ADGRG6: variants seen among roughly 807,000 people sequenced by gnomAD.
ADGRG6 encodes G-protein coupled receptor 126.
A neutral mutation model predicts 142.4 loss-of-function variants in ADGRG6; 84 were observed. That is an observed-to-expected ratio of 0.59 (90% CI 0.49 to 0.71). The LOEUF (loss-of-function observed/expected upper bound fraction) is 0.71. Ranked by LOEUF, ADGRG6 falls within the 30% of genes least tolerant of loss-of-function variation. The probability of loss-of-function intolerance (pLI) is 0.00; values close to 1 mark genes in which losing one functional copy is unlikely to be tolerated. For synonymous variants in ADGRG6, 521 were observed against 520.5 expected (o/e 1.00, Z -0.01); for missense variants, 1,367 against 1,466.6 (o/e 0.93, Z 1.11).
chr6:142,359,021 C>T (rs545848051), intron 2 of ADGRG6, among the ~76,000 whole-genome samples: 2 of 148,112 alleles, frequency 1.4e-5, no homozygotes, highest in African/African-American at 5.0e-5. Context: ...CCCTGGGCAA[C>T]ATTATGAGAT....
At chr6:142,311,066 G>T (rs1487487520) in intron 2 of ADGRG6, among the ~76,000 whole-genome samples, 1 of 151,740 alleles carries the variant, frequency 6.6e-6, no homozygotes, top group Non-Finnish European at 1.5e-5. Flanking sequence ...GCACATTCTT[G>T]AATTTTAATC....
At chr6:142,439,474 T>C (rs1251718987) in intron 24 of ADGRG6, among the ~76,000 whole-genome samples, 1 of 152,344 alleles carries the variant, frequency 6.6e-6, no homozygotes, top group East Asian at 1.9e-4. Flanking sequence ...ATACTTGAAT[T>C]ACAGATAACC....
Position 142,403,782 on chromosome 6 carries a change from A to AT in ADGRG6, c.1956-14dup, listed in dbSNP as rs780962396. On this transcript the variant is annotated intron_variant, in intron 13 of 24. Coordinates refer to ENST00000367609, the MANE Select transcript of ADGRG6 (RefSeq NM_198569.3). Reference sequence around the variant, plus strand: ...AAATATCATATTACTTAATAGTGGCATTTTTTGTCGTTACTTTAGAGCTTT... The same window carrying AT: ...AAATATCATATTACTTAATAGTGGCATTTTTTTGTCGTTACTTTAGAGCTTT... 19 of 1,510,254 alleles carry AT rather than the reference A, an allele frequency of 1.3e-5. No individual in the cohort carries two copies. In the Middle Eastern group the frequency reaches 5.2e-4, roughly 42 times the overall value. 93.6% of individuals were successfully genotyped at this position (1,510,254 alleles called of 1,614,324 possible).
chr6:142,396,880 A>G (rs996174966), intron 9 of ADGRG6, among the ~76,000 whole-genome samples: 2 of 152,158 alleles, frequency 1.3e-5, no homozygotes, highest in Non-Finnish European at 2.9e-5. Flanking sequence ...AAATTATATT[A>G]CTTTAAATTG....
At chr6:142,358,796 T>G (rs1441730140) in intron 2 of ADGRG6, among the ~76,000 whole-genome samples, 2 of 152,010 alleles carry the variant, frequency 1.3e-5, no homozygotes, top group Non-Finnish European at 2.9e-5. Flanking sequence ...TCCTAACTAC[T>G]CGGGAGGCTG....
rs1319724654 is a variant in ADGRG6, at chr6:142,393,759, C to T, written c.1362-137C>T. On this transcript the variant is annotated intron_variant, in intron 8 of 24. Coordinates refer to ENST00000367609, the MANE Select transcript of ADGRG6 (RefSeq NM_198569.3). The stretch of plus-strand genomic sequence containing the variant: ...CAGTTGCCTAGCTTTCTGAAAGAAG[C>T]TAGAACCTCAGGACACACATTTGAA... 6 of 603,320 alleles carry T rather than the reference C, an allele frequency of 9.9e-6. No individual in the cohort carries two copies. The Admixed American group carries it at 1.2e-4, about 12-fold the overall frequency. The allele number at this position is 603,320 out of a possible 1,614,324, so 37.4% of individuals were successfully genotyped here.
chr6:142,361,274 A>G (rs935086817), intron 2 of ADGRG6, among the ~76,000 whole-genome samples: 1 of 152,210 alleles, frequency 6.6e-6, no homozygotes, highest in Non-Finnish European at 1.5e-5. Context: ...TATTTAAAGC[A>G]GTACTTCTCA....
intron 15 of ADGRG6, among the ~76,000 whole-genome samples, chr6:142,407,826 C>T (rs1362165306): frequency 6.6e-6 from 1 of 152,190 alleles, no homozygotes. Context: ...AATTGTTTCA[C>T]AGCTTTTTAT....
intron 2 of ADGRG6, among the ~76,000 whole-genome samples, chr6:142,349,220 A>C (rs1474813936): frequency 6.6e-6 from 1 of 152,230 alleles, no homozygotes; most frequent in Non-Finnish European, 1.5e-5. Flanking sequence ...GTTGCAGATA[A>C]AGTTCCTGAA....
chr6:142,441,183 T>G (rs765383053), intron 24 of ADGRG6, among the ~76,000 whole-genome samples: 28 of 152,172 alleles, frequency 1.8e-4, no homozygotes, highest in Non-Finnish European at 3.4e-4. Context: ...TTCTAGGAAA[T>G]GTACCATGGT....
intron 9 of ADGRG6, among the ~76,000 whole-genome samples, chr6:142,394,951 G>T (rs1775095982): frequency 6.6e-6 from 1 of 151,996 alleles, no homozygotes; most frequent in African/African-American, 2.4e-5. Context: ...AGTCTTGCTG[G>T]ATCTCAATAG....
At chr6:142,343,041 A>G (rs1189435529) in intron 2 of ADGRG6, among the ~76,000 whole-genome samples, 1 of 151,814 alleles carries the variant, frequency 6.6e-6, no homozygotes, top group Non-Finnish European at 1.5e-5. Flanking sequence ...AATTTTTTAT[A>G]AAAGTTTTAT....
At chr6:142,393,310 G>T (rs113671292) in intron 8 of ADGRG6, among the ~76,000 whole-genome samples, 8 of 152,156 alleles carry the variant, frequency 5.3e-5, no homozygotes, top group African/African-American at 1.9e-4. Context: ...TCACACCCTG[G>T]TGGATCACCT....
intron 2 of ADGRG6, among the ~76,000 whole-genome samples, chr6:142,329,656 A>G (rs961129827): frequency 2.0e-5 from 3 of 152,168 alleles, no homozygotes; most frequent in Non-Finnish European, 2.9e-5. Context: ...TCATTGAGTC[A>G]TGTTTGTGAT....
intron 21 of ADGRG6, 27 bp downstream of exon 21, chr6:142,417,396 A>C: frequency 1.0e-6 from 1 of 952,378 alleles, no homozygotes; most frequent in Non-Finnish European, 1.7e-6. Flanking sequence ...TTTTGTGATG[A>C]GTAGATATCC....
At chr6:142,415,755 C>G in intron 19 of ADGRG6, 41 bp from the exon 20 acceptor site, 1 of 1,416,324 alleles carries the variant, frequency 7.1e-7, no homozygotes, top group Non-Finnish European at 9.9e-7. Flanking sequence ...GATTGATATA[C>G]AGTATTAGTT....
intron 2 of ADGRG6, among the ~76,000 whole-genome samples, chr6:142,315,311 C>T (rs1310420879): frequency 6.6e-6 from 1 of 151,622 alleles, no homozygotes; most frequent in Non-Finnish European, 1.5e-5. Context: ...ACTATTCTTT[C>T]TTCTTTGGCA....
chr6:142,443,390 C>T lies in ADGRG6; in HGVS notation c.3628C>T (p.Gln1210Ter). ...AAAACTGGCCCATGCTGATGGAGATCAAACATCAATCATCCCTGTCCATCA... is the reference window on the plus strand; with the variant it reads ...AAAACTGGCCCATGCTGATGGAGATTAAACATCAATCATCCCTGTCCATCA... ...LSKLAHADGD[Q>*]TSIIPVHQVI... Residue 1210 changes from glutamine to a stop codon, truncating the protein, a stop_gained, in exon 25 of 25, where the codon CAA (glutamine) becomes TAA (stop). Transcript: ENST00000367609. LOFTEE classifies it high-confidence loss of function. 6.2e-7 allele frequency: 1 copy of T among 1,612,080 alleles called. No homozygotes were observed. Among genetic ancestry groups the T allele is most frequent in the South Asian group, 1.1e-5 (1 of 91,024 alleles).
At chr6:142,325,374 T>A (rs967780311) in intron 2 of ADGRG6, among the ~76,000 whole-genome samples, 15 of 152,138 alleles carry the variant, frequency 9.9e-5, no homozygotes, top group African/African-American at 3.6e-4. Flanking sequence ...CCCACGAGGC[T>A]TGTAGCTTAG....
Sources: gnomAD v4.1 joint callset for allele counts (sites outside exome capture counted in the v4.1 genomes callset) on GRCh38, gnomAD v4.1.1 for gene constraint, MANE v1.5 for transcripts, NCBI Gene and HGNC (gene_info 2026-07-23, HGNC 2026-07-21) for gene names.